The following LRP1B variants were observed in gnomAD, a reference collection of about 807,000 sequenced individuals.
The protein encoded by LRP1B is low-density lipoprotein receptor-related protein 1B.
In LRP1B, 217 loss-of-function variants were observed where a neutral mutation model predicts 556.6. That is an observed-to-expected ratio of 0.39 (90% CI 0.35 to 0.44). The LOEUF is 0.44. LRP1B is among the 20% of genes least tolerant of loss of function. LRP1B has a pLI of 1.00. For synonymous variants in LRP1B, 2,047 were observed against 1,865.8 expected, an observed-to-expected ratio of 1.10 and a Z score of -2.50; for missense variants, 5,053 against 5,620.8, an observed-to-expected ratio of 0.90 and a Z score of 3.23.
Position 140,735,785 on chromosome 2 carries a change from T to C in LRP1B, c.5759-18969A>G, listed in dbSNP as rs578005121. Among the ~76,000 whole-genome samples the C allele has an allele frequency of 3.9e-5, 6 of 152,214 alleles. No homozygotes were observed. The South Asian group carries it at 1.2e-3, about 32-fold the overall frequency. The stretch of plus-strand genomic sequence containing the variant: ...CTGGCTACTTGGCTATAACTATGGT[T>C]AAATCCCAGTCTAACCCAACTGGAG... On this transcript the variant is annotated intron_variant, in intron 35 of 90. Coordinates refer to ENST00000389484, the MANE Select transcript of LRP1B (RefSeq NM_018557.3).
At chr2:140,642,691 A>C (rs2105302696) in intron 41 of LRP1B, among the ~76,000 whole-genome samples, 1 of 152,202 alleles carries the variant, frequency 6.6e-6, no homozygotes. Context: ...AAATACAAAA[A>C]AAATTAGCTG....
chr2:141,234,378 TA>T (rs1284053417), intron 5 of LRP1B, among the ~76,000 whole-genome samples: 1 of 152,072 alleles, frequency 6.6e-6, no homozygotes, highest in Non-Finnish European at 1.5e-5. Flanking sequence ...TTTTATTTTT[TA>T]TTTTTTTATT....
At chr2:141,278,427 A>C (rs1685384815) in intron 3 of LRP1B, among the ~76,000 whole-genome samples, 1 of 152,202 alleles carries the variant, frequency 6.6e-6, no homozygotes, top group Non-Finnish European at 1.5e-5. Context: ...TGTTTGTACT[A>C]TGCCACGTTA....
At chr2:141,071,285 G>A (rs1205822375) in intron 7 of LRP1B, among the ~76,000 whole-genome samples, 1 of 150,608 alleles carries the variant, frequency 6.6e-6, no homozygotes, top group African/African-American at 2.4e-5. Flanking sequence ...TGCAGAAAAG[G>A]CCTTTGACAA....
chr2:141,188,343 A>G, intron 7 of LRP1B, 78 bp downstream of exon 7: 1 of 1,398,866 alleles, frequency 7.1e-7, no homozygotes, highest in Non-Finnish European at 9.9e-7. Flanking sequence ...TATTTTCCAC[A>G]ACAACACTTG....
chr2:140,701,089 A>T (rs545559130), intron 40 of LRP1B, among the ~76,000 whole-genome samples: 12 of 122,614 alleles, frequency 9.8e-5, no homozygotes, highest in Non-Finnish European at 1.7e-4. Context: ...TCCAATTTTA[A>T]GTGAAGATAA....
intron 2 of LRP1B, among the ~76,000 whole-genome samples, chr2:141,570,630 T>C (rs1486458160): frequency 6.6e-6 from 1 of 150,910 alleles, no homozygotes; most frequent in Admixed American, 6.6e-5. Context: ...GCACTGGAAC[T>C]GGCAACTGCC....
intron 7 of LRP1B, among the ~76,000 whole-genome samples, chr2:141,094,060 T>C (rs561173368): frequency 8.5e-5 from 13 of 152,192 alleles, no homozygotes; most frequent in African/African-American, 2.9e-4. Flanking sequence ...GATATATTTC[T>C]AGAGAAAAAG....
intron 45 of LRP1B, among the ~76,000 whole-genome samples, chr2:140,540,233 C>T (rs913600381): frequency 6.6e-6 from 1 of 152,064 alleles, no homozygotes; most frequent in South Asian, 2.1e-4. Context: ...AAATCTGACA[C>T]ATCCTGAGAA....
chr2:140,299,582 A>G (rs970771491), intron 83 of LRP1B, among the ~76,000 whole-genome samples: 8 of 152,112 alleles, frequency 5.3e-5, no homozygotes, highest in African/African-American at 1.9e-4. Context: ...ATGGCAATGC[A>G]ATTTTCTAGT....
At chr2:140,488,732 G>A (rs997528044) in intron 57 of LRP1B, among the ~76,000 whole-genome samples, 16 of 151,926 alleles carry the variant, frequency 1.1e-4, no homozygotes, top group Admixed American at 6.6e-5. Flanking sequence ...AGAGATCTCT[G>A]CCATGTTTTT....
intron 1 of LRP1B, among the ~76,000 whole-genome samples, chr2:141,989,626 T>C (rs370465769): frequency 4.6e-5 from 7 of 152,018 alleles, no homozygotes; most frequent in Non-Finnish European, 1.0e-4. Flanking sequence ...TGGGACCAGG[T>C]AGAGAAAACT....
chr2:140,601,097 A>C (rs71412706), intron 42 of LRP1B, among the ~76,000 whole-genome samples: 30,656 of 137,514 alleles, frequency 0.22, 3,337 homozygotes, highest in Middle Eastern at 0.34. Context: ...AAAAAAAAAA[A>C]AACACTCTTA....
intron 2 of LRP1B, among the ~76,000 whole-genome samples, chr2:141,715,302 T>G (rs913042887): frequency 6.7e-6 from 1 of 148,538 alleles, no homozygotes; most frequent in Non-Finnish European, 1.5e-5. Flanking sequence ...ACCCTATCTC[T>G]TCAAACAAAA....
intron 1 of LRP1B, among the ~76,000 whole-genome samples, chr2:142,023,427 T>C (rs937985447): frequency 6.6e-6 from 1 of 152,174 alleles, no homozygotes; most frequent in African/African-American, 2.4e-5. Context: ...TTTAAATAAG[T>C]TGATTTCTAC....
chr2:141,271,155 C>T (rs1313115467), intron 3 of LRP1B, among the ~76,000 whole-genome samples: 1 of 151,344 alleles, frequency 6.6e-6, no homozygotes, highest in African/African-American at 2.4e-5. Context: ...TTTTAACTAA[C>T]AGAAGGAAGA....
intron 35 of LRP1B, among the ~76,000 whole-genome samples, chr2:140,753,598 CAT>C (rs1384878943): frequency 1.3e-5 from 2 of 152,094 alleles, no homozygotes; most frequent in Non-Finnish European, 2.9e-5. Flanking sequence ...GACCTAAGGG[CAT>C]AAACCAAAAG....
rs143805584 is a variant in LRP1B at position 141,638,896 on chromosome 2, C to CGTGTGT, written c.206-158369_206-158364dup. ...ATATATATATATGTGTGTGTATGTGCGTGTGTGTGTGTGTGTGTATACATA... is the reference window on the plus strand; with the variant it reads ...ATATATATATATGTGTGTGTATGTGCGTGTGTGTGTGTGTGTGTGTGTGTATACATA... On this transcript the variant is annotated intron_variant, in intron 2 of 90. Coordinates refer to ENST00000389484, the MANE Select transcript of LRP1B (RefSeq NM_018557.3). Among the ~76,000 whole-genome samples the CGTGTGT allele has an allele frequency of 1.2e-3, 67 of 57,652 alleles. 2 individuals carry two copies. Among genetic ancestry groups the CGTGTGT allele is most frequent in the African/African-American group, 3.7e-3 (64 of 17,402 alleles). 37.8% of individuals were successfully genotyped at this position (57,652 alleles called of 152,430 possible).
At chr2:141,408,618 T>C (rs1228747532) in intron 3 of LRP1B, among the ~76,000 whole-genome samples, 1 of 152,120 alleles carries the variant, frequency 6.6e-6, no homozygotes. Flanking sequence ...AATAAATCTA[T>C]GGTTTTTCAT....
Sources: allele counts gnomAD v4.1 joint callset (sites outside exome capture counted in the v4.1 genomes callset), GRCh38; gene constraint gnomAD v4.1.1; transcripts MANE v1.5; gene names NCBI Gene and HGNC (gene_info 2026-07-23, HGNC 2026-07-21).